RNF214: variants seen among roughly 807,000 people sequenced by gnomAD.
RNF214 encodes ring finger protein 214.
A neutral mutation model predicts 75.9 loss-of-function variants in RNF214; 25 were observed. That is an observed-to-expected ratio of 0.33 (90% CI 0.24 to 0.46). RNF214 has a LOEUF of 0.46. RNF214 is among the 20% of genes least tolerant of loss of function. The pLI, the probability that RNF214 is intolerant of heterozygous loss-of-function variation, is 1.00. For synonymous variants in RNF214, 314 were observed against 308.8 expected (o/e 1.02, Z -0.18); for missense variants, 725 against 857.5 (o/e 0.85, Z 1.93).
chr11:117,268,261 C>T (rs574126783), intron 6 of RNF214, among the ~76,000 whole-genome samples: 1 of 152,326 alleles, frequency 6.6e-6, no homozygotes, highest in African/African-American at 2.4e-5. Flanking sequence ...AGGTGCTCTT[C>T]AGAGTTAGGC....
chr11:117,257,428 CAG>C (rs1331057356), intron 6 of RNF214, among the ~76,000 whole-genome samples: 7 of 152,244 alleles, frequency 4.6e-5, no homozygotes, highest in South Asian at 4.2e-4. Flanking sequence ...AGAAACAAAA[CAG>C]AAAAAGTAAA....
At chr11:117,251,273 C>T (rs1203584489) in intron 6 of RNF214, among the ~76,000 whole-genome samples, 1 of 70,224 alleles carries the variant, frequency 1.4e-5, no homozygotes, top group Non-Finnish European at 2.6e-5. Context: ...CACCTCCCTC[C>T]GGGACGGGGC....
At chr11:117,269,650 A>T (rs533856497) in intron 6 of RNF214, among the ~76,000 whole-genome samples, 1 of 152,332 alleles carries the variant, frequency 6.6e-6, no homozygotes, top group East Asian at 1.9e-4. Flanking sequence ...GGCGTGAGCC[A>T]CTGGAGCCAC....
At position 117,246,862 on chromosome 11, in the gene RNF214, G is replaced by C. The variant is rs759877069; in HGVS notation, c.873G>C (p.Lys291Asn). The change falls in exon 6 of 15, where the codon AAG becomes AAC. Residue 291 changes from lysine (K) to asparagine (N), a missense_variant. Lys to Asn is a moderately conservative substitution (Grantham distance 94). Around this residue, in one of 2 missense-constraint regions of RNF214, gnomAD observed 362 missense variants for 344.5 expected, o/e 1.05. Transcript: ENST00000300650. The stretch of plus-strand genomic sequence containing the variant: ...CAATAAAGCGGGAAGAAACAAAGAA[G>C]AAGATAGAGAAAGAGAAGAAGGAGT... ...DVTIKREETK[K>N]KIEKEKKEFL... The C allele has an allele frequency of 3.7e-6, 6 of 1,612,984 alleles. No individual in the cohort carries two copies. Among genetic ancestry groups the C allele is most frequent in the Non-Finnish European group, 5.1e-6 (6 of 1,179,482 alleles).
chr11:117,262,803 CTCTTT>C (rs1046124167), intron 6 of RNF214, among the ~76,000 whole-genome samples: 5 of 151,792 alleles, frequency 3.3e-5, no homozygotes, highest in African/African-American at 9.7e-5. Flanking sequence ...ATGATTATAG[CTCTTT>C]TCTTTTCTTT....
intron 6 of RNF214, among the ~76,000 whole-genome samples, chr11:117,252,634 C>G (rs1007575781): frequency 2.0e-5 from 3 of 152,106 alleles, no homozygotes; most frequent in Non-Finnish European, 4.4e-5. Context: ...GATTCTCCTG[C>G]CTCAGCCTCC....
At chr11:117,247,427 C>G (rs2033254233) in intron 6 of RNF214, among the ~76,000 whole-genome samples, 1 of 152,128 alleles carries the variant, frequency 6.6e-6, no homozygotes, top group Admixed American at 6.6e-5. Context: ...CCCAGGAGTT[C>G]CAGGCTGCAG....
intron 2 of RNF214, among the ~76,000 whole-genome samples, chr11:117,234,608 T>C (rs1472649982): frequency 2.6e-5 from 4 of 152,196 alleles, no homozygotes; most frequent in African/African-American, 9.7e-5. Context: ...GGGGTCAAAC[T>C]CATTAAAAAA....
At chr11:117,244,695 T>A in intron 5 of RNF214, 110 bp downstream of exon 5, 6 of 764,476 alleles carry the variant, frequency 7.8e-6, no homozygotes, top group African/African-American at 1.9e-5. Context: ...AGACAGAGTC[T>A]CACTCTGTCA....
At chr11:117,235,088 A>G (rs1411347267) in intron 2 of RNF214, among the ~76,000 whole-genome samples, 1 of 152,266 alleles carries the variant, frequency 6.6e-6, no homozygotes, top group African/African-American at 2.4e-5. Flanking sequence ...TTATGTAAAT[A>G]GTTGTGTTGT....
At chr11:117,284,029 G>A (rs1050470044) in intron 14 of RNF214, among the ~76,000 whole-genome samples, 1 of 152,186 alleles carries the variant, frequency 6.6e-6, no homozygotes, top group African/African-American at 2.4e-5. Context: ...ACTGCAGTTA[G>A]GATCTCTCAG....
chr11:117,240,384 T>TAAAA (rs372718608), intron 4 of RNF214, among the ~76,000 whole-genome samples: 1 of 61,710 alleles, frequency 1.6e-5, no homozygotes, highest in Non-Finnish European at 3.1e-5. Context: ...CAAAAAAAAT[T>TAAAA]AAAAAAAAAA....
At chr11:117,260,616 C>G (rs1450916158) in intron 6 of RNF214, among the ~76,000 whole-genome samples, 1 of 146,934 alleles carries the variant, frequency 6.8e-6, no homozygotes, top group African/African-American at 2.5e-5. Context: ...CTGGGTGACA[C>G]AGTGAGACCT....
chr11:117,266,362 CT>C (rs1206183232), intron 6 of RNF214, among the ~76,000 whole-genome samples: 1 of 151,212 alleles, frequency 6.6e-6, no homozygotes, highest in African/African-American at 2.4e-5. Flanking sequence ...TTCTTTCTTT[CT>C]TTTTTTTTAA....
Position 117,233,879 on chromosome 11 carries a change from G to A in RNF214, c.-6-388G>A, listed in dbSNP as rs112066721. Reference sequence around the variant, plus strand: ...GCCATAAAGTGATTTAAAAACATGAGATCTGATTGATACTAGGCCGAAAAG... The same window carrying A: ...GCCATAAAGTGATTTAAAAACATGAAATCTGATTGATACTAGGCCGAAAAG... On this transcript the variant is annotated intron_variant, in intron 1 of 14. Coordinates refer to ENST00000300650, the MANE Select transcript of RNF214 (RefSeq NM_207343.4). 6.7e-3 allele frequency among the ~76,000 whole-genome samples: 1,015 copies of A among 152,328 alleles called. 16 individuals are homozygous for A. The highest frequency in any genetic ancestry group is 0.024 in the African/African-American group (979 of 41,570).
chr11:117,261,512 G>A (rs1359427019), intron 6 of RNF214, among the ~76,000 whole-genome samples: 2 of 152,148 alleles, frequency 1.3e-5, no homozygotes, highest in Non-Finnish European at 2.9e-5. Flanking sequence ...CCTGGAAGGC[G>A]AAGGTTGCAG....
intron 6 of RNF214, among the ~76,000 whole-genome samples, chr11:117,275,310 C>T (rs193035298): frequency 2.9e-4 from 44 of 152,034 alleles, no homozygotes; most frequent in African/African-American, 9.9e-4. Flanking sequence ...AAAGACAGGT[C>T]ACAAATTGAC....
Position 117,245,973 on chromosome 11 carries a change from C to CT in RNF214, c.820-827dup, listed in dbSNP as rs199642693. Among the ~76,000 whole-genome samples the CT allele has an allele frequency of 7.9e-5, 12 of 151,066 alleles. 1 individual carries two copies. In the South Asian group the frequency reaches 8.4e-4, roughly 11 times the overall value. ...TCTTTATCACCTTTGTATTATTTTACTTTTTTTTTGATACTGGATCTTGTT... is the reference window on the plus strand; with the variant it reads ...TCTTTATCACCTTTGTATTATTTTACTTTTTTTTTTGATACTGGATCTTGTT... On this transcript the variant is annotated intron_variant, in intron 5 of 14. Transcript: ENST00000300650.
intron 9 of RNF214, 67 bp from the exon 10 acceptor site, chr11:117,281,533 G>A: frequency 7.0e-7 from 1 of 1,424,228 alleles, no homozygotes. Context: ...TCCTGATAAT[G>A]GATGGTGCTG....
Sources: gnomAD v4.1 joint callset for allele counts (sites outside exome capture counted in the v4.1 genomes callset) on GRCh38, gnomAD v4.1.1 for gene constraint, gnomAD v4.1.1 regional missense constraint, MANE v1.5 for transcripts, NCBI Gene and HGNC (gene_info 2026-07-23, HGNC 2026-07-21) for gene names.